SV2C: variants seen among roughly 807,000 people sequenced by gnomAD.
SV2C encodes synaptic vesicle glycoprotein 2C, also known as solute carrier family 22 member B3.
Under a neutral mutation model 79.7 loss-of-function variants are expected in SV2C, and 49 were observed. The ratio of observed to expected loss-of-function variants is 0.61; its 90% CI spans 0.49 to 0.78. The LOEUF (loss-of-function observed/expected upper bound fraction) is 0.78, where lower values mean the gene tolerates loss of function less well. SV2C is among the 30% of genes least tolerant of loss of function. SV2C has a pLI of 0.00. For synonymous variants in SV2C, 334 were observed against 333.2 expected (o/e 1.00, Z -0.03); for missense variants, 833 against 912.9 (o/e 0.91, Z 1.13).
At chr5:76,000,758 G>T in the SV2C span, among the ~76,000 whole-genome samples, 2 of 152,176 alleles carry the variant, frequency 1.3e-5, no homozygotes, top group African/African-American at 2.4e-5. Flanking sequence ...TCACACTGCT[G>T]TGTCACTGGA....
chr5:75,920,719 C>A, the SV2C span: 1 of 761,188 alleles, frequency 1.3e-6, no homozygotes. Flanking sequence ...TGGAACCACT[C>A]AATCTGCGTC....
At position 76,285,158 on chromosome 5, in the gene SV2C, C is replaced by T; in HGVS notation, c.914-4C>T. The stretch of plus-strand genomic sequence containing the variant: ...CCCTCACTCTCCGTGTCCTCCTTTT[C>T]CAGGGTGGAGCTTCAGCATGGGATC... On this transcript the variant is annotated splice_region_variant and splice_polypyrimidine_tract_variant and intron_variant, in intron 4 of 12. Transcript: ENST00000502798. 1 of 1,613,978 alleles carries T rather than the reference C, an allele frequency of 6.2e-7. No individual in the cohort carries two copies. Among genetic ancestry groups the T allele is most frequent in the Non-Finnish European group, 8.5e-7 (1 of 1,179,894 alleles).
the SV2C span, among the ~76,000 whole-genome samples, chr5:75,896,333 G>A: frequency 1.3e-5 from 2 of 151,416 alleles, no homozygotes; most frequent in African/African-American, 4.9e-5. Context: ...TTGTTCTTGC[G>A]ATAGTTTACT....
the SV2C span, among the ~76,000 whole-genome samples, chr5:76,003,367 C>A: frequency 1.3e-5 from 2 of 152,252 alleles, 1 homozygote; most frequent in Middle Eastern, 6.8e-3. Flanking sequence ...CAGCACATCT[C>A]AAGAGCAGAC....
chr5:75,945,652 A>G, the SV2C span, among the ~76,000 whole-genome samples: 17 of 152,062 alleles, frequency 1.1e-4, no homozygotes, highest in Admixed American at 8.5e-4. Flanking sequence ...CACATGGAAC[A>G]TTCACCAAGA....
At chr5:76,117,840 C>A (rs1043793059) in intron 1 of SV2C, among the ~76,000 whole-genome samples, 26 of 152,172 alleles carry the variant, frequency 1.7e-4, no homozygotes, top group Middle Eastern at 3.4e-3. Context: ...AATAAACTTA[C>A]AACAAAGCAG....
In SV2C at chr5:76,240,241, C is replaced by T. The variant is rs1256084098; in HGVS notation, c.913+30354C>T. The stretch of plus-strand genomic sequence containing the variant: ...GGGAGACTGCATTCCCACACCCCTA[C>T]CCCAAATGTGGCAAGTAATAATTAC... On this transcript the variant is annotated intron_variant, in intron 4 of 12. Coordinates refer to ENST00000502798, the MANE Select transcript of SV2C (RefSeq NM_014979.4). 2.0e-5 allele frequency among the ~76,000 whole-genome samples: 3 copies of T among 152,190 alleles called. 1 individual carries two copies. The East Asian group carries it at 5.8e-4, about 29-fold the overall frequency.
intron 1 of SV2C, among the ~76,000 whole-genome samples, chr5:76,121,187 T>C (rs1748482175): frequency 6.6e-6 from 1 of 152,178 alleles, no homozygotes. Flanking sequence ...TGTCTGTTCA[T>C]ATCCTTTGCC....
the SV2C span, among the ~76,000 whole-genome samples, chr5:75,856,472 G>T: frequency 1.3e-5 from 2 of 152,070 alleles, no homozygotes; most frequent in Non-Finnish European, 2.9e-5. Flanking sequence ...CTGTCTTTTG[G>T]ATATAAGCCA....
the SV2C span, among the ~76,000 whole-genome samples, chr5:76,073,542 T>TATAC: frequency 7.9e-6 from 1 of 126,314 alleles, no homozygotes; most frequent in Non-Finnish European, 1.7e-5. Flanking sequence ...TATATATATA[T>TATAC]ATACACCATG....
chr5:76,172,686 A>G (rs1743350806), intron 2 of SV2C, among the ~76,000 whole-genome samples: 1 of 87,534 alleles, frequency 1.1e-5, no homozygotes, highest in African/African-American at 5.2e-5. Context: ...GAGACTTTTC[A>G]TTTTGTTCTG....
the SV2C span, among the ~76,000 whole-genome samples, chr5:76,039,026 TG>T: frequency 1.3e-5 from 2 of 152,212 alleles, no homozygotes; most frequent in Non-Finnish European, 2.9e-5. Context: ...AAAAAGATGC[TG>T]GCTATTTTTT....
At chr5:75,869,203 G>A in the SV2C span, among the ~76,000 whole-genome samples, 1 of 152,060 alleles carries the variant, frequency 6.6e-6, no homozygotes, top group East Asian at 1.9e-4. Context: ...ACAGCACCAA[G>A]TGGGCTCTTG....
chr5:76,064,906 A>G, the SV2C span, among the ~76,000 whole-genome samples: 1 of 152,218 alleles, frequency 6.6e-6, no homozygotes, highest in Non-Finnish European at 1.5e-5. Context: ...CAAAAGAACA[A>G]CAGAGAAAGC....
the SV2C span, among the ~76,000 whole-genome samples, chr5:75,887,176 A>T: frequency 6.6e-6 from 1 of 152,168 alleles, no homozygotes; most frequent in East Asian, 1.9e-4. Flanking sequence ...CTAAATTATC[A>T]TATGCATTAC....
the SV2C span, among the ~76,000 whole-genome samples, chr5:76,033,542 A>C: frequency 6.6e-6 from 1 of 152,216 alleles, no homozygotes; most frequent in East Asian, 1.9e-4. Context: ...AGGTTTGTCA[A>C]AGATCAGATA....
chr5:75,859,345 G>A, the SV2C span, among the ~76,000 whole-genome samples: 7 of 152,224 alleles, frequency 4.6e-5, no homozygotes, highest in African/African-American at 9.6e-5. Flanking sequence ...TTTACATTCC[G>A]AAAGTTTAAA....
Position 76,291,784 on chromosome 5 carries a change from T to A in SV2C, c.1265T>A (p.Met422Lys). 1 of 1,608,900 alleles carries A rather than the reference T, an allele frequency of 6.2e-7. No individual in the cohort carries two copies. The change falls in exon 8 of 13, where the codon ATG becomes AAG. Residue 422 changes from methionine (M) to lysine (K), a missense_variant. Transcript: ENST00000502798. ...TELYGIWLTF[M>K]RCFNYPVRDN... The stretch of plus-strand genomic sequence containing the variant: ...ATTTCACAGATTTGGTTGACTTTTA[T>A]GAGATGTTTCAACTACCCAGTCAGG...
In SV2C at chr5:76,085,433, A is replaced by T. The variant is rs113783357; in HGVS notation, c.-102+1921A>T. Reference sequence around the variant, plus strand: ...CACGATCCATTTTATTCTTTTTTTTAAAGACCACTTTCTGGAAACCCAGTG... The same window carrying T: ...CACGATCCATTTTATTCTTTTTTTTTAAGACCACTTTCTGGAAACCCAGTG... On this transcript the variant is annotated intron_variant, in intron 1 of 12. Coordinates refer to ENST00000502798, the MANE Select transcript of SV2C (RefSeq NM_014979.4). 7.4e-3 allele frequency among the ~76,000 whole-genome samples: 1,123 copies of T among 152,286 alleles called. 10 individuals are homozygous for T. Among genetic ancestry groups the T allele is most frequent in the African/African-American group, 0.026 (1,069 of 41,556 alleles).
Sources: allele counts gnomAD v4.1 joint callset (sites outside exome capture counted in the v4.1 genomes callset), GRCh38; gene constraint gnomAD v4.1.1; transcripts MANE v1.5; gene names NCBI Gene and HGNC (gene_info 2026-07-23, HGNC 2026-07-21).